Variants in PITPNA observed in about 807,000 individuals in gnomAD.
The protein encoded by PITPNA is phosphatidylinositol transfer protein alpha isoform.
A neutral mutation model predicts 50.3 loss-of-function variants in PITPNA; 13 were observed. The observed-to-expected ratio is 0.26, with a 90% CI of 0.17 to 0.41. The LOEUF (loss-of-function observed/expected upper bound fraction) is 0.41, where lower values mean the gene tolerates loss of function less well. Ranked by LOEUF, PITPNA falls within the 10% of genes least tolerant of loss-of-function variation. PITPNA has a pLI of 1.00. For missense variants in PITPNA, 207 were observed against 333.4 expected (o/e 0.62, Z 2.95); for synonymous variants, 120 against 119.6 (o/e 1.00, Z -0.02).
In PITPNA at chr17:1,525,358, T is replaced by C. The variant is rs528887412; in HGVS notation, c.769-3713A>G. 4.6e-5 allele frequency among the ~76,000 whole-genome samples: 7 copies of C among 152,254 alleles called. No homozygotes were observed. In the East Asian group the frequency reaches 1.3e-3, roughly 29 times the overall value. On this transcript the variant is annotated intron_variant, in intron 10 of 11. Transcript: ENST00000313486. ...TTCTTTCGTTCCAGACACTGTCCTATAGCAAAGGAGATGTGTATAGAAGCT... is the reference window on the plus strand; with the variant it reads ...TTCTTTCGTTCCAGACACTGTCCTACAGCAAAGGAGATGTGTATAGAAGCT...
chr17:1,558,769 A>ACCCCCCCCCCCCCCCCCCCCCC (rs147366133), intron 1 of PITPNA, among the ~76,000 whole-genome samples: 6 of 22,698 alleles, frequency 2.6e-4, no homozygotes, highest in African/African-American at 4.9e-4. Flanking sequence ...CTGTGACAAC[A>ACCCCCCCCCCCCCCCCCCCCCC]CCCCCCCCCC....
chr17:1,533,939 C>T lies in PITPNA; in HGVS notation c.768+160G>A, dbSNP rs560697807. Reference sequence around the variant, plus strand: ...TTCAAGAGCACAGGCTGTTTTCTTCCGTATAGTGCCCACGTACTGCCCAGG... The same window carrying T: ...TTCAAGAGCACAGGCTGTTTTCTTCTGTATAGTGCCCACGTACTGCCCAGG... On this transcript the variant is annotated intron_variant, in intron 10 of 11. Coordinates refer to ENST00000313486, the MANE Select transcript of PITPNA (RefSeq NM_006224.4). Among the ~76,000 whole-genome samples the T allele has an allele frequency of 2.6e-5, 4 of 152,202 alleles. No homozygotes were observed. The East Asian group carries it at 5.8e-4, about 22-fold the overall frequency.
chr17:1,546,447 A>G (rs921486656), intron 4 of PITPNA, among the ~76,000 whole-genome samples: 5 of 152,178 alleles, frequency 3.3e-5, no homozygotes, highest in African/African-American at 1.2e-4. Flanking sequence ...CGTATTCTGG[A>G]TTGCAGTCAT....
chr17:1,552,879 A>G (rs969079132), intron 3 of PITPNA, 125 bp downstream of exon 3: 4 of 930,000 alleles, frequency 4.3e-6, no homozygotes, highest in African/African-American at 3.3e-5. Context: ...CAGTCAGTAT[A>G]TAACTATTAA....
intron 1 of PITPNA, among the ~76,000 whole-genome samples, chr17:1,558,769 A>ACCCCCCCCCCCCCCCCCCCCC (rs147366133): frequency 3.5e-4 from 8 of 22,706 alleles, no homozygotes; most frequent in African/African-American, 1.2e-3. Flanking sequence ...CTGTGACAAC[A>ACCCCCCCCCCCCCCCCCCCCC]CCCCCCCCCC....
intron 5 of PITPNA, 38 bp downstream of exon 5, chr17:1,542,982 A>G (rs769382653): frequency 6.6e-7 from 1 of 1,524,202 alleles, no homozygotes; most frequent in South Asian, 1.1e-5. Context: ...CTGTTCTTAT[A>G]CATCATCTAC....
chr17:1,545,916 CCTTT>C (rs2075671638), intron 4 of PITPNA, among the ~76,000 whole-genome samples: 1 of 121,594 alleles, frequency 8.2e-6, no homozygotes, highest in Non-Finnish European at 1.6e-5. Context: ...CTGCATACTG[CCTTT>C]TTTTTTTTTT....
chr17:1,547,447 C>T (rs1174974929), intron 4 of PITPNA, among the ~76,000 whole-genome samples: 2 of 151,716 alleles, frequency 1.3e-5, no homozygotes, highest in Admixed American at 6.6e-5. Flanking sequence ...GTCAGGAGTT[C>T]GAGACCAGCC....
rs2075503203 is a variant in PITPNA at position 1,520,418 on chromosome 17, G to A, written c.*143C>T. 6.6e-6 allele frequency: 1 copy of A among 152,662 alleles called. No homozygotes were observed. Among genetic ancestry groups the A allele is most frequent in the Admixed American group, 6.5e-5 (1 of 15,278 alleles). The allele number at this position is 152,662 out of a possible 1,614,324, so 9.5% of individuals were successfully genotyped here. A position where few individuals can be genotyped will look rare whatever the true frequency, so the allele number is the denominator to read the frequency against. ...CAATACTGAAGGGCATCTAGAATTA[G>A]CTACAGTAAGGAATCGAAAGTTGCC... On this transcript the variant is annotated 3_prime_UTR_variant, in exon 12 of 12. Transcript: ENST00000313486.
chr17:1,548,736 G>A (rs1433981454), intron 3 of PITPNA, among the ~76,000 whole-genome samples: 1 of 152,150 alleles, frequency 6.6e-6, no homozygotes, highest in African/African-American at 2.4e-5. Context: ...CAAAGGAGAT[G>A]CCTCCAAGCA....
intron 3 of PITPNA, among the ~76,000 whole-genome samples, chr17:1,548,601 G>A (rs1286715717): frequency 6.6e-6 from 1 of 152,120 alleles, no homozygotes; most frequent in East Asian, 1.9e-4. Flanking sequence ...CCAGCCACCA[G>A]AAACAGGACC....
chr17:1,558,598 T>A, intron 1 of PITPNA, 39 bp from the exon 2 acceptor site: 1 of 1,455,070 alleles, frequency 6.9e-7, no homozygotes, highest in Non-Finnish European at 9.6e-7. Context: ...CTTTAGGCTG[T>A]GCAATCTGCT....
At chr17:1,530,806 G>C (rs923882356) in intron 10 of PITPNA, among the ~76,000 whole-genome samples, 3 of 152,334 alleles carry the variant, frequency 2.0e-5, no homozygotes, top group Admixed American at 6.5e-5. Context: ...AAGGACAGAA[G>C]AGTCAGTAGC....
At position 1,562,026 on chromosome 17, in the gene PITPNA, G is replaced by GGC. The variant is rs1416628383; in HGVS notation, c.20+513_20+514dup. 1.3e-5 allele frequency among the ~76,000 whole-genome samples: 2 copies of GGC among 151,898 alleles called. No homozygotes were observed. The highest frequency in any genetic ancestry group is 4.8e-5 in the African/African-American group (2 of 41,364). On this transcript the variant is annotated intron_variant, in intron 1 of 11. Transcript: ENST00000313486. This position sits in a 1 kb window ranked among gnomAD's most constrained non-coding sequence, Gnocchi z 6.4. ...CAGTCCCGGCTGAGCCCGCGCCCTCGGCCCGCGCAGAGCGACCCCACAGCA... is the reference window on the plus strand; with the variant it reads ...CAGTCCCGGCTGAGCCCGCGCCCTCGGCGCCCGCGCAGAGCGACCCCACAGCA...
intron 10 of PITPNA, 99 bp downstream of exon 10, chr17:1,534,000 G>T: frequency 7.2e-7 from 1 of 1,398,006 alleles, no homozygotes; most frequent in Non-Finnish European, 1.0e-6. Flanking sequence ...CGTGTTCCCA[G>T]AACTACAGGA....
At chr17:1,555,051 C>T (rs1209873262) in intron 2 of PITPNA, among the ~76,000 whole-genome samples, 4 of 152,154 alleles carry the variant, frequency 2.6e-5, no homozygotes, top group Non-Finnish European at 5.9e-5. Context: ...GCAGTAACTC[C>T]GTTTCAGAGA....
chr17:1,532,527 G>A (rs542001449), intron 10 of PITPNA, among the ~76,000 whole-genome samples: 12 of 152,288 alleles, frequency 7.9e-5, no homozygotes, highest in African/African-American at 2.9e-4. Flanking sequence ...AGTTCTACCC[G>A]AAGGAATGAA....
At chr17:1,548,059 A>G (rs1331076843) in intron 4 of PITPNA, among the ~76,000 whole-genome samples, 1 of 152,242 alleles carries the variant, frequency 6.6e-6, no homozygotes, top group African/African-American at 2.4e-5. Flanking sequence ...ATGAATAACA[A>G]TAATCAAAAT....
At chr17:1,538,175 T>C (rs1160548754) in intron 7 of PITPNA, among the ~76,000 whole-genome samples, 1 of 152,116 alleles carries the variant, frequency 6.6e-6, no homozygotes. Context: ...AAACACACAT[T>C]CCCTATCAGT....
Sources: allele counts gnomAD v4.1 joint callset (sites outside exome capture counted in the v4.1 genomes callset), GRCh38; gene constraint gnomAD v4.1.1; non-coding constraint Gnocchi (gnomAD v3.1); transcripts MANE v1.5; gene names NCBI Gene and HGNC (gene_info 2026-07-23, HGNC 2026-07-21).